Variants in CLSTN2 observed in about 807,000 individuals in gnomAD.
CLSTN2 encodes the protein calsyntenin-2.
A neutral mutation model predicts 101.2 loss-of-function variants in CLSTN2; 48 were observed. The observed-to-expected ratio is 0.47, with a 90% CI of 0.38 to 0.60. The LOEUF (loss-of-function observed/expected upper bound fraction) is 0.60, where lower values mean the gene tolerates loss of function less well. Ranked by LOEUF, CLSTN2 falls within the 20% of genes least tolerant of loss-of-function variation. CLSTN2 has a pLI of 0.00. For missense variants in CLSTN2, 1,160 were observed against 1,238.2 expected (o/e 0.94, Z 0.95); for synonymous variants, 481 against 463.6 (o/e 1.04, Z -0.48).
intron 4 of CLSTN2, among the ~76,000 whole-genome samples, chr3:140,419,482 C>CA (rs1169762724): frequency 0.035 from 703 of 19,952 alleles, 161 homozygotes; most frequent in Admixed American, 0.04. Context: ...GACTCTGTCT[C>CA]AAAAAAAAAA....
intron 8 of CLSTN2, among the ~76,000 whole-genome samples, chr3:140,525,911 G>A (rs915920208): frequency 1.3e-5 from 2 of 152,034 alleles, no homozygotes; most frequent in Admixed American, 1.3e-4. Flanking sequence ...AGGCATCAAA[G>A]GATCATATCT....
At chr3:140,194,648 CT>C (rs2010619593) in intron 2 of CLSTN2, among the ~76,000 whole-genome samples, 1 of 152,126 alleles carries the variant, frequency 6.6e-6, no homozygotes, top group Non-Finnish European at 1.5e-5. Flanking sequence ...TTTTGGTTAG[CT>C]TTTTCTGACA....
rs933572142 is a variant in CLSTN2, at chr3:140,572,406, C to T, written c.*6153C>T. The T allele has an allele frequency of 6.6e-6, 1 of 152,214 alleles. No homozygotes were observed. The highest frequency in any genetic ancestry group is 2.4e-5 in the African/African-American group (1 of 41,438). 9.4% of individuals were successfully genotyped at this position (152,214 alleles called of 1,614,324 possible). On this transcript the variant is annotated 3_prime_UTR_variant, in exon 17 of 17. Transcript: ENST00000458420. The stretch of plus-strand genomic sequence containing the variant: ...TCAGAGAAAATAAGACAGAAGCAGT[C>T]CTTAAATATAAACAGCAGCCAGGTG...
At chr3:140,135,154 AT>A (rs1560105630) in intron 1 of CLSTN2, among the ~76,000 whole-genome samples, 6 of 137,086 alleles carry the variant, frequency 4.4e-5, no homozygotes, top group Non-Finnish European at 6.2e-5. Context: ...ATATATATAT[AT>A]ATATATAAAA....
intron 4 of CLSTN2, among the ~76,000 whole-genome samples, chr3:140,409,070 A>G (rs1237471181): frequency 6.6e-6 from 1 of 152,210 alleles, no homozygotes; most frequent in Non-Finnish European, 1.5e-5. Flanking sequence ...ATGCATATGT[A>G]GCTGGTCTAA....
intron 5 of CLSTN2, among the ~76,000 whole-genome samples, chr3:140,433,499 T>G (rs1228749426): frequency 6.6e-6 from 1 of 152,238 alleles, no homozygotes; most frequent in African/African-American, 2.4e-5. Flanking sequence ...CCTCTTCCAC[T>G]GACAGTTCTT....
chr3:140,470,740 T>C (rs1933824087), intron 8 of CLSTN2, among the ~76,000 whole-genome samples: 1 of 152,190 alleles, frequency 6.6e-6, no homozygotes, highest in African/African-American at 2.4e-5. Flanking sequence ...TAGTATGACA[T>C]TCATCAGATT....
At chr3:140,463,963 G>A (rs921849023) in intron 7 of CLSTN2, among the ~76,000 whole-genome samples, 9 of 152,094 alleles carry the variant, frequency 5.9e-5, no homozygotes, top group Non-Finnish European at 7.4e-5. Context: ...GGAATTTGCC[G>A]CAAGCACAAA....
At chr3:140,410,021 T>TA (rs1260982388) in intron 4 of CLSTN2, among the ~76,000 whole-genome samples, 1 of 151,366 alleles carries the variant, frequency 6.6e-6, no homozygotes, top group Admixed American at 6.6e-5. Context: ...ATGAAAAGAA[T>TA]AAAAAAAATC....
intron 2 of CLSTN2, among the ~76,000 whole-genome samples, chr3:140,182,555 T>C (rs2010425784): frequency 6.6e-6 from 1 of 152,156 alleles, no homozygotes; most frequent in Non-Finnish European, 1.5e-5. Flanking sequence ...TGCCTTTGCA[T>C]TCCAAGCTGG....
At chr3:140,385,906 G>C (rs1056666416) in intron 2 of CLSTN2, among the ~76,000 whole-genome samples, 1 of 152,186 alleles carries the variant, frequency 6.6e-6, no homozygotes, top group Admixed American at 6.5e-5. Context: ...AAACTTGACA[G>C]CTGGCAAAGA....
intron 8 of CLSTN2, among the ~76,000 whole-genome samples, chr3:140,480,633 C>T (rs1236750085): frequency 6.6e-6 from 1 of 152,220 alleles, no homozygotes; most frequent in Non-Finnish European, 1.5e-5. Flanking sequence ...TTAATGATCA[C>T]CATTCTCACT....
chr3:139,993,824 T>C (rs1182712533), intron 1 of CLSTN2, among the ~76,000 whole-genome samples: 1 of 134,708 alleles, frequency 7.4e-6, no homozygotes, highest in African/African-American at 2.7e-5. Flanking sequence ...CTGACAGATG[T>C]GATGGGATTG....
chr3:140,360,913 T>C (rs777294866), intron 2 of CLSTN2, among the ~76,000 whole-genome samples: 1 of 152,246 alleles, frequency 6.6e-6, no homozygotes, highest in Non-Finnish European at 1.5e-5. Flanking sequence ...ACTTCACTGG[T>C]GAATTTTGCT....
chr3:139,989,489 G>A (rs9818660), intron 1 of CLSTN2, among the ~76,000 whole-genome samples: 49,656 of 151,932 alleles, frequency 0.33, 10,095 homozygotes, highest in Non-Finnish European at 0.46. Flanking sequence ...CCTGTTACCA[G>A]TCTCCGCCAC....
At chr3:140,081,723 G>A (rs181278225) in intron 1 of CLSTN2, among the ~76,000 whole-genome samples, 3 of 151,932 alleles carry the variant, frequency 2.0e-5, no homozygotes, top group East Asian at 3.9e-4. Context: ...ACACCGCAAA[G>A]CCTCTGTCCA....
intron 2 of CLSTN2, among the ~76,000 whole-genome samples, chr3:140,190,265 A>G (rs1203326935): frequency 2.0e-5 from 3 of 152,142 alleles, no homozygotes; most frequent in East Asian, 1.9e-4. Context: ...TCTCTCATCC[A>G]TTAATCTTTG....
intron 1 of CLSTN2, among the ~76,000 whole-genome samples, chr3:140,113,383 G>A (rs1046928466): frequency 3.9e-5 from 6 of 152,166 alleles, no homozygotes; most frequent in African/African-American, 7.2e-5. Flanking sequence ...CAGTGGCTGC[G>A]GCACTCTTGG....
intron 1 of CLSTN2, among the ~76,000 whole-genome samples, chr3:140,145,169 T>C (rs975515842): frequency 6.6e-6 from 1 of 152,230 alleles, no homozygotes; most frequent in African/African-American, 2.4e-5. Context: ...GTGGTAAATA[T>C]TTATCCAATG....
Sources: allele counts gnomAD v4.1 joint callset (sites outside exome capture counted in the v4.1 genomes callset), GRCh38; gene constraint gnomAD v4.1.1; transcripts MANE v1.5; gene names NCBI Gene and HGNC (gene_info 2026-07-23, HGNC 2026-07-21).